Variants in TWSG1 observed in about 807,000 individuals in gnomAD.
The protein encoded by TWSG1 is twisted gastrulation BMP signaling modulator 1.
In TWSG1, 15 loss-of-function variants were observed where a neutral mutation model predicts 23.0. That is an observed-to-expected ratio of 0.65 (90% CI 0.44 to 1.00). TWSG1 has a LOEUF of 1.00. Among genes scored for constraint, TWSG1 ranks in the 50% least tolerant of loss-of-function variants. The pLI, the probability that TWSG1 is intolerant of heterozygous loss-of-function variation, is 0.00. For missense variants in TWSG1, 242 were observed against 278.7 expected (o/e 0.87, Z 0.94); for synonymous variants, 86 against 92.8 (o/e 0.93, Z 0.42).
intron 3 of TWSG1, among the ~76,000 whole-genome samples, chr18:9,373,227 A>G (rs1196673267): frequency 6.6e-6 from 1 of 152,178 alleles, no homozygotes; most frequent in African/African-American, 2.4e-5. Context: ...ATGTGTATGC[A>G]CCTAACAACA....
At chr18:9,385,256 G>A (rs1200645636) in intron 3 of TWSG1, among the ~76,000 whole-genome samples, 2 of 152,132 alleles carry the variant, frequency 1.3e-5, no homozygotes, top group African/African-American at 4.8e-5. Context: ...AAATTGAAGG[G>A]AACTAGCTGA....
intron 1 of TWSG1, among the ~76,000 whole-genome samples, chr18:9,335,184 G>T (rs1295271693): frequency 6.6e-6 from 1 of 152,108 alleles, no homozygotes; most frequent in Non-Finnish European, 1.5e-5. Flanking sequence ...AGCCCGCGTC[G>T]GCCGAGCCGG....
intron 3 of TWSG1, among the ~76,000 whole-genome samples, chr18:9,393,288 A>G (rs1598836020): frequency 2.0e-5 from 3 of 152,356 alleles, no homozygotes; most frequent in East Asian, 3.9e-4. Flanking sequence ...TCCAGTAACT[A>G]TTGCTACTAA....
chr18:9,369,561 T>C (rs1029033567), intron 3 of TWSG1, among the ~76,000 whole-genome samples: 1 of 152,130 alleles, frequency 6.6e-6, no homozygotes, highest in African/African-American at 2.4e-5. Context: ...CCACCGCACC[T>C]GGGCCCTTTG....
chr18:9,354,575 G>A (rs1489661554), intron 2 of TWSG1, among the ~76,000 whole-genome samples: 1 of 152,174 alleles, frequency 6.6e-6, no homozygotes, highest in Admixed American at 6.5e-5. Flanking sequence ...AACTGATGAA[G>A]TTTATGAAGG....
chr18:9,335,108 G>A (rs886401264), intron 1 of TWSG1, among the ~76,000 whole-genome samples, 188 bp downstream of exon 1: 2 of 152,140 alleles, frequency 1.3e-5, no homozygotes, highest in Non-Finnish European at 2.9e-5. Flanking sequence ...GCCGGACGCC[G>A]GGAGCCAGCA....
chr18:9,335,593 C>T (rs902037368), intron 1 of TWSG1, among the ~76,000 whole-genome samples: 1 of 152,186 alleles, frequency 6.6e-6, no homozygotes, highest in Non-Finnish European at 1.5e-5. Context: ...CAGTTAGTCT[C>T]CAAATAACCT....
chr18:9,353,573 C>T (rs138384666), intron 2 of TWSG1, among the ~76,000 whole-genome samples: 1 of 152,220 alleles, frequency 6.6e-6, no homozygotes, highest in African/African-American at 2.4e-5. Flanking sequence ...AATTATTGAA[C>T]AACGTGTCTA....
chr18:9,395,000 G>A (rs1507609), intron 3 of TWSG1, among the ~76,000 whole-genome samples: 144,435 of 152,278 alleles, frequency 0.95, 68,993 homozygotes, highest in East Asian at 1. Flanking sequence ...AGCTGTCCCA[G>A]TGGTACCTCT....
chr18:9,371,979 C>A (rs2040607626), intron 3 of TWSG1, among the ~76,000 whole-genome samples: 1 of 151,838 alleles, frequency 6.6e-6, no homozygotes, highest in Non-Finnish European at 1.5e-5. Flanking sequence ...GTTGGCCAGA[C>A]TGGTCTCGAA....
intron 2 of TWSG1, among the ~76,000 whole-genome samples, chr18:9,343,258 A>ATATATC (rs2040455665): frequency 1.5e-5 from 2 of 134,922 alleles, no homozygotes; most frequent in African/African-American, 2.8e-5. Flanking sequence ...ATATATATAT[A>ATATATC]TATCTTGTCC....
intron 3 of TWSG1, among the ~76,000 whole-genome samples, chr18:9,372,034 GGATTACA>G (rs2040607979): frequency 6.6e-6 from 1 of 151,900 alleles, no homozygotes. Flanking sequence ...CAAAGTGCTG[GGATTACA>G]GCCGTGAGCC....
chr18:9,363,716 C>G (rs1312799390), intron 3 of TWSG1, among the ~76,000 whole-genome samples: 2 of 152,158 alleles, frequency 1.3e-5, no homozygotes, highest in Non-Finnish European at 2.9e-5. Context: ...ACCTCCACCT[C>G]CTGAGTTCAA....
At chr18:9,377,030 G>C (rs1450790882) in intron 3 of TWSG1, among the ~76,000 whole-genome samples, 1 of 151,732 alleles carries the variant, frequency 6.6e-6, no homozygotes, top group Non-Finnish European at 1.5e-5. Flanking sequence ...GCTGTGTGTA[G>C]GTAGGTTATA....
At chr18:9,349,961 G>T (rs958665707) in intron 2 of TWSG1, among the ~76,000 whole-genome samples, 2 of 152,134 alleles carry the variant, frequency 1.3e-5, no homozygotes, top group Non-Finnish European at 2.9e-5. Context: ...CCAACATGGT[G>T]AAACCCCGTC....
intron 2 of TWSG1, among the ~76,000 whole-genome samples, chr18:9,343,665 C>T (rs1379986964): frequency 6.6e-6 from 1 of 152,014 alleles, no homozygotes; most frequent in East Asian, 1.9e-4. Flanking sequence ...GGAATCATAC[C>T]TTGTCTTTTG....
At chr18:9,362,216 A>AT (rs923823112) in intron 3 of TWSG1, among the ~76,000 whole-genome samples, 2 of 151,718 alleles carry the variant, frequency 1.3e-5, no homozygotes, top group South Asian at 2.1e-4. Context: ...CACACATAAG[A>AT]TTTTTTTTTG....
intron 3 of TWSG1, among the ~76,000 whole-genome samples, chr18:9,365,630 C>G (rs1246493616): frequency 6.6e-6 from 1 of 151,066 alleles, no homozygotes; most frequent in Non-Finnish European, 1.5e-5. Context: ...TGAGCCATGT[C>G]TGAGTCACTG....
rs71168051 is a variant in TWSG1 at position 9,351,622 on chromosome 18, GTT to G, written c.124-8334_124-8333del. Among the ~76,000 whole-genome samples, 627 of 116,588 alleles carry G rather than the reference GTT, an allele frequency of 5.4e-3. 1 individual carries two copies. The highest frequency in any genetic ancestry group is 0.014 in the African/African-American group (449 of 31,956). 76.5% of individuals were successfully genotyped at this position (116,588 alleles called of 152,430 possible). A position where few individuals can be genotyped will look rare whatever the true frequency, so the allele number is the denominator to read the frequency against. On this transcript the variant is annotated intron_variant, in intron 2 of 4. Coordinates refer to ENST00000262120, the MANE Select transcript of TWSG1 (RefSeq NM_020648.6). ...AAGAAACCCCAGTGTACCATGCTGG[GTT>G]TTTTTTTTTTTTTTTGTCTTTTTGT...
Sources: allele counts gnomAD v4.1 joint callset (sites outside exome capture counted in the v4.1 genomes callset), GRCh38; gene constraint gnomAD v4.1.1; transcripts MANE v1.5; gene names NCBI Gene and HGNC (gene_info 2026-07-23, HGNC 2026-07-21).